CYP3A5: variants seen among roughly 807,000 people sequenced by gnomAD.
CYP3A5 encodes cytochrome P450 family 3 subfamily A member 5, also known as cytochrome P450 3A5.
A neutral mutation model predicts 55.9 loss-of-function variants in CYP3A5; 51 were observed. That is an observed-to-expected ratio of 0.91 (90% CI 0.73 to 1.15). CYP3A5 has a LOEUF of 1.15. CYP3A5 is among the 50% of genes most tolerant of loss of function. The pLI is 0.00. For missense variants in CYP3A5, 533 were observed against 596.6 expected, an observed-to-expected ratio of 0.89 and a Z score of 1.11; for synonymous variants, 196 against 213.9, an observed-to-expected ratio of 0.92 and a Z score of 0.73.
At chr7:99,655,293 A>G (rs1175428533) in intron 10 of CYP3A5, among the ~76,000 whole-genome samples, 2 of 152,216 alleles carry the variant, frequency 1.3e-5, no homozygotes, top group East Asian at 1.9e-4. Flanking sequence ...AGCTTTCTAT[A>G]TATGGCTAGC....
Position 99,657,695 on chromosome 7 carries a change from C to A in CYP3A5, c.1026+2804G>T, listed in dbSNP as rs545835415. Among the ~76,000 whole-genome samples, 5 of 152,234 alleles carry A rather than the reference C, an allele frequency of 3.3e-5. No homozygotes were observed. The South Asian group carries it at 1.0e-3, about 32-fold the overall frequency. On this transcript the variant is annotated intron_variant, in intron 10 of 12. Transcript: ENST00000222982. ...GTTGACAGTGTGGTGTTAAAGTCTT[C>A]CATTATTATTGTGTGGGAGTCTAAC...
Position 99,665,281 on chromosome 7 carries a change from A to G in CYP3A5, c.555T>C (p.Thr185=). Residue 185 remains threonine, a synonymous_variant, in exon 7 of 13, where the codon ACT becomes ACC. Coordinates refer to ENST00000222982, the MANE Select transcript of CYP3A5 (RefSeq NM_000777.5). ...IFGAYSMDVI[T]GTSFGVNIDS... ...CGATGTTCACTCCAAATGATGTGCC[A>G]GTAATCACATCCATGCTGTAGGCCC... 1 of 1,614,198 alleles carries G rather than the reference A, an allele frequency of 6.2e-7. No homozygotes were observed. The highest frequency in any genetic ancestry group is 1.3e-5 in the African/African-American group (1 of 75,060).
chr7:99,653,872 C>T lies in CYP3A5; in HGVS notation c.1027-1093G>A, dbSNP rs1472605107. 1.3e-5 allele frequency among the ~76,000 whole-genome samples: 2 copies of T among 152,130 alleles called. No homozygotes were observed. Among genetic ancestry groups the T allele is most frequent in the Admixed American group, 1.3e-4 (2 of 15,266 alleles). Reference sequence around the variant, plus strand: ...AGAGTTTAGCTCAGGAGTCAGATACCCTGGTTCCTAGCTTGGCTTCTTGGC... The same window carrying T: ...AGAGTTTAGCTCAGGAGTCAGATACTCTGGTTCCTAGCTTGGCTTCTTGGC... On this transcript the variant is annotated intron_variant, in intron 10 of 12. Coordinates refer to ENST00000222982, the MANE Select transcript of CYP3A5 (RefSeq NM_000777.5). The surrounding 1 kb of genome is among the most constrained non-coding windows in gnomAD (Gnocchi z 4.2).
rs550153071 is a variant in CYP3A5, at chr7:99,654,810, G to C, written c.1027-2031C>G. Among the ~76,000 whole-genome samples, 4 of 152,300 alleles carry C rather than the reference G, an allele frequency of 2.6e-5. No homozygotes were observed. The South Asian group carries it at 8.3e-4, about 32-fold the overall frequency. ...TGAGATGGTATCTCATTGTGGTTTTGATTTGCATTTCTTTGATGGCCAGTG... is the reference window on the plus strand; with the variant it reads ...TGAGATGGTATCTCATTGTGGTTTTCATTTGCATTTCTTTGATGGCCAGTG... On this transcript the variant is annotated intron_variant, in intron 10 of 12. Transcript: ENST00000222982.
intron 1 of CYP3A5, among the ~76,000 whole-genome samples, chr7:99,678,203 G>C (rs1362298727): frequency 6.6e-6 from 1 of 152,232 alleles, no homozygotes; most frequent in African/African-American, 2.4e-5. Flanking sequence ...ACCACACACA[G>C]AGTGACACAG....
In CYP3A5 at chr7:99,664,040, T is replaced by C; in HGVS notation, c.726A>G (p.Pro242=). The change falls in exon 8 of 13, where the codon CCA becomes CCG. Residue 242 remains proline (P), a synonymous_variant. Transcript: ENST00000222982. ...VFEALNVSLF[P]KDTINFLSKS... is the part of the protein sequence containing the mutation. ...TACTTAAAAAATTTATGGTATCTTT[T>C]GGAAACAGAGAGACATTTAATGCTT... 1 of 1,601,092 alleles carries C rather than the reference T, an allele frequency of 6.2e-7. No individual in the cohort carries two copies. Among genetic ancestry groups the C allele is most frequent in the Non-Finnish European group, 8.5e-7 (1 of 1,177,270 alleles).
intron 1 of CYP3A5, 53 bp from the exon 2 acceptor site, chr7:99,676,261 A>C: frequency 6.2e-7 from 1 of 1,609,274 alleles, no homozygotes; most frequent in Non-Finnish European, 8.5e-7. Context: ...TATAGATCAG[A>C]GGGCTGGTGA....
At chr7:99,657,887 C>T (rs1809935814) in intron 10 of CYP3A5, among the ~76,000 whole-genome samples, 1 of 152,156 alleles carries the variant, frequency 6.6e-6, no homozygotes, top group Non-Finnish European at 1.5e-5. Flanking sequence ...CCTGTTTTAT[C>T]AGAGAGTAGG....
chr7:99,676,302 G>C, intron 1 of CYP3A5, 94 bp from the exon 2 acceptor site: 3 of 1,591,748 alleles, frequency 1.9e-6, no homozygotes, highest in Non-Finnish European at 2.6e-6. Flanking sequence ...GTCAAGAGAG[G>C]GAGGTAATAT....
intron 8 of CYP3A5, chr7:99,663,566 T>C (rs1245750955): frequency 2.0e-6 from 2 of 993,890 alleles, no homozygotes; most frequent in Admixed American, 1.2e-4. Flanking sequence ...GGACCTTTAA[T>C]TGCAGAATAT....
chr7:99,662,761 A>C lies in CYP3A5; in HGVS notation c.865+55T>G. On this transcript the variant is annotated intron_variant, in intron 9 of 12. Transcript: ENST00000222982. The surrounding 1 kb of genome is among the most constrained non-coding windows in gnomAD (Gnocchi z 4.3). ...ATACTTCCTGCACATTTTCAGAACAAGGCCCTCCCTCTTAGTGTCCCCGCC... is the reference window on the plus strand; with the variant it reads ...ATACTTCCTGCACATTTTCAGAACACGGCCCTCCCTCTTAGTGTCCCCGCC... 1 of 1,510,204 alleles carries C rather than the reference A, an allele frequency of 6.6e-7. No homozygotes were observed. The highest frequency in any genetic ancestry group is 9.2e-7 in the Non-Finnish European group (1 of 1,089,490). The allele number at this position is 1,510,204 out of a possible 1,614,324, so 93.6% of individuals were successfully genotyped here.
chr7:99,670,338 G>A (rs756937732), intron 4 of CYP3A5, among the ~76,000 whole-genome samples: 1 of 152,148 alleles, frequency 6.6e-6, no homozygotes, highest in Non-Finnish European at 1.5e-5. Context: ...AACCATAACA[G>A]CATTCCATAT....
At chr7:99,650,817 C>T (rs1354505920) in intron 11 of CYP3A5, among the ~76,000 whole-genome samples, 1 of 152,082 alleles carries the variant, frequency 6.6e-6, no homozygotes, top group African/African-American at 2.4e-5. Flanking sequence ...CCCCCACACC[C>T]TTACAGGATA....
Position 99,666,678 on chromosome 7 carries a change from G to C in CYP3A5, c.444C>G (p.Ile148Met), listed in dbSNP as rs1303487578. The stretch of plus-strand genomic sequence containing the variant: ...CCAATACATCTCCATACTGGGCAAT[G>C]ATGGGGAACATCTAAGCACAAAACA... ...TSGKLKEMFP[I>M]IAQYGDVLVR... Residue 148 changes from isoleucine (I) to methionine (M), a missense_variant, in exon 6 of 13, where the codon ATC (isoleucine) becomes ATG (methionine). Transcript: ENST00000222982. 1.9e-6 allele frequency: 3 copies of C among 1,614,098 alleles called. No homozygotes were observed.
At position 99,666,524 on chromosome 7, in the gene CYP3A5, T is replaced by A. The variant is rs1452990089; in HGVS notation, c.521+77A>T. On this transcript the variant is annotated intron_variant, in intron 6 of 12. Transcript: ENST00000222982. ...TCTGGTCACTGGAGTAACCCAACAG[T>A]GCGACTGTCGACTCCATGGCAGGCA... 7 of 1,455,322 alleles carry A rather than the reference T, an allele frequency of 4.8e-6. No homozygotes were observed. In the African/African-American group the frequency reaches 9.8e-5, roughly 20 times the overall value. The allele number at this position is 1,455,322 out of a possible 1,614,324, so 90.2% of individuals were successfully genotyped here.
intron 4 of CYP3A5, among the ~76,000 whole-genome samples, chr7:99,668,676 G>A (rs1287292002): frequency 6.6e-6 from 1 of 152,188 alleles, no homozygotes; most frequent in Admixed American, 6.5e-5. Flanking sequence ...CTAACAAAGA[G>A]CGAGAGGACG....
intron 1 of CYP3A5, among the ~76,000 whole-genome samples, chr7:99,677,458 T>C (rs537790065): frequency 1.3e-5 from 2 of 152,252 alleles, no homozygotes; most frequent in Non-Finnish European, 2.9e-5. Flanking sequence ...TAGCAAATGG[T>C]GCAGTATGGC....
rs1053592771 is a variant in CYP3A5, at chr7:99,663,677, C to A, written c.798+291G>T. ...ATATTTTCAAACAGGAAACTTTATC[C>A]TTTGACAATTTATTAAAGGGAAGAG... is the stretch of plus-strand genomic sequence containing the variant. On this transcript the variant is annotated intron_variant, in intron 8 of 12. Transcript: ENST00000222982. 32 of 1,032,450 alleles carry A rather than the reference C, an allele frequency of 3.1e-5. No homozygotes were observed. The East Asian group carries it at 1.5e-3, about 49-fold the overall frequency. The allele number at this position is 1,032,450 out of a possible 1,614,324, so 64.0% of individuals were successfully genotyped here. A position where few individuals can be genotyped will look rare whatever the true frequency, so the allele number is the denominator to read the frequency against.
At position 99,679,994 on chromosome 7, in the gene CYP3A5, A is replaced by G; in HGVS notation, c.-98T>C. On this transcript the variant is annotated 5_prime_UTR_variant, in exon 1 of 13. Coordinates refer to ENST00000222982, the MANE Select transcript of CYP3A5 (RefSeq NM_000777.5). ...TGCCTGGAGCTTCCCTGCCCTGCACAGCAGTCTTCAGCCAAGCTGCTGAAA... is the reference window on the plus strand; with the variant it reads ...TGCCTGGAGCTTCCCTGCCCTGCACGGCAGTCTTCAGCCAAGCTGCTGAAA... 1 of 982,650 alleles carries G rather than the reference A, an allele frequency of 1.0e-6. No individual in the cohort carries two copies. The highest frequency in any genetic ancestry group is 1.6e-6 in the Non-Finnish European group (1 of 609,850). The allele number at this position is 982,650 out of a possible 1,614,324, so 60.9% of individuals were successfully genotyped here.
Sources: gnomAD v4.1 joint callset for allele counts (sites outside exome capture counted in the v4.1 genomes callset) on GRCh38, gnomAD v4.1.1 for gene constraint, Gnocchi (gnomAD v3.1) non-coding constraint, MANE v1.5 for transcripts, NCBI Gene and HGNC (gene_info 2026-07-23, HGNC 2026-07-21) for gene names.